The following TMEM164 variants were observed in gnomAD, a reference collection of about 807,000 sequenced individuals.
TMEM164 encodes the protein RP13-360B22.2.
Under a neutral mutation model 18.8 loss-of-function variants are expected in TMEM164, and 4 were observed. That is an observed-to-expected ratio of 0.21 (90% confidence interval 0.10 to 0.49). The LOEUF is 0.49. Ranked by LOEUF, TMEM164 falls within the 20% of genes least tolerant of loss-of-function variation. The pLI is 0.98. For missense variants in TMEM164, 108 were observed against 239.9 expected (o/e 0.45, Z 3.63); for synonymous variants, 86 against 101.7 (o/e 0.85, Z 0.93).
chrX:110,143,042 T>G (rs1369696397), intron 4 of TMEM164, among the ~76,000 whole-genome samples: 4 of 112,236 alleles, frequency 3.6e-5, no homozygotes, highest in African/African-American at 1.3e-4. Flanking sequence ...GCAGCCTGGC[T>G]TCCCAGGCCC....
At chrX:110,087,028 T>C (rs1247767355) in intron 3 of TMEM164, among the ~76,000 whole-genome samples, 1 of 111,814 alleles carries the variant, frequency 8.9e-6, no homozygotes, top group Non-Finnish European at 1.9e-5. Context: ...TCTAGAGGCT[T>C]GAGAAACCTC....
intron 3 of TMEM164, among the ~76,000 whole-genome samples, chrX:110,105,750 T>TGAGA (rs59866982): frequency 0.022 from 1,582 of 71,978 alleles, 23 homozygotes; most frequent in East Asian, 0.074. Flanking sequence ...AGAGAGAGAA[T>TGAGA]GAGAGAGAGA....
chrX:110,171,281 T>C, intron 5 of TMEM164, 139 bp from the exon 6 acceptor site: 1 of 481,062 alleles, frequency 2.1e-6, no homozygotes, highest in Non-Finnish European at 3.6e-6. Context: ...AGTGGGGCTG[T>C]CTCTTGAGTA....
chrX:110,100,193 C>T (rs990928690), intron 3 of TMEM164, among the ~76,000 whole-genome samples: 8 of 110,822 alleles, frequency 7.2e-5, no homozygotes, highest in Non-Finnish European at 1.5e-4. Flanking sequence ...CTGATTTCCT[C>T]GCTAAAGTTG....
chrX:110,094,171 G>C (rs1297421063), intron 3 of TMEM164, among the ~76,000 whole-genome samples: 1 of 112,206 alleles, frequency 8.9e-6, no homozygotes, highest in Non-Finnish European at 1.9e-5. Context: ...CTGTTGATTT[G>C]GGGTGGAGAG....
At chrX:110,168,712 C>T (rs2067190916) in intron 5 of TMEM164, among the ~76,000 whole-genome samples, 1 of 112,454 alleles carries the variant, frequency 8.9e-6, no homozygotes, top group African/African-American at 3.2e-5. Context: ...TTTCTCTTCT[C>T]GCCCACATGC....
chrX:110,055,410 C>A, intron 2 of TMEM164: 1 of 294,113 alleles, frequency 3.4e-6, no homozygotes, highest in Non-Finnish European at 6.8e-6. Flanking sequence ...TAGGGTTGTG[C>A]AGTGCACAAC....
rs754318833 is a variant in TMEM164 at position 110,067,131 on chromosome X, CCTTCTCCCTTT to C, written c.391-213_391-203del. 5.0e-3 allele frequency among the ~76,000 whole-genome samples: 471 copies of C among 94,605 alleles called. 2 individuals carry two copies. The highest frequency in any genetic ancestry group is 0.019 in the African/African-American group (430 of 22,983). The allele number at this position is 94,605 out of a possible 115,157, so 82.2% of individuals were successfully genotyped here. A position where few individuals can be genotyped will look rare whatever the true frequency, so the allele number is the denominator to read the frequency against. On this transcript the variant is annotated intron_variant, in intron 2 of 6. Transcript: ENST00000372068. Reference sequence around the variant, plus strand: ...TTGAAATATTGAGTCTTCTCACCCTCCTTCTCCCTTTCTCATGTGTGCGCACACACACACAC... The same window carrying C: ...TTGAAATATTGAGTCTTCTCACCCTCCTCATGTGTGCGCACACACACACAC...
chrX:110,091,176 A>G (rs747176291), intron 3 of TMEM164, among the ~76,000 whole-genome samples: 1 of 112,301 alleles, frequency 8.9e-6, no homozygotes, highest in Non-Finnish European at 1.9e-5. Flanking sequence ...ATACATGTGC[A>G]TGTGTCTTTA....
chrX:110,124,888 C>A (rs1226866578), intron 4 of TMEM164, among the ~76,000 whole-genome samples: 2 of 112,156 alleles, frequency 1.8e-5, no homozygotes, highest in East Asian at 5.6e-4. Flanking sequence ...GTAATTTTAA[C>A]TGTAAGTATT....
intron 4 of TMEM164, among the ~76,000 whole-genome samples, chrX:110,133,926 G>A (rs1569344012): frequency 9.0e-6 from 1 of 111,645 alleles, no homozygotes. Context: ...GAGTGAGGAG[G>A]TTTCATTTCC....
Position 110,151,066 on chromosome X carries a change from G to A in TMEM164, c.586+6190G>A, listed in dbSNP as rs372142495. ...TTTGAAGCCAGTAGTATGGTTCCAC[G>A]GTTCTTGCTTTTAATCATAACACAA... is the stretch of plus-strand genomic sequence containing the variant. On this transcript the variant is annotated intron_variant, in intron 5 of 6. Coordinates refer to ENST00000372068, the MANE Select transcript of TMEM164 (RefSeq NM_032227.4). 1.4e-4 allele frequency among the ~76,000 whole-genome samples: 16 copies of A among 111,981 alleles called. 1 individual carries two copies. The East Asian group carries it at 3.1e-3, about 21-fold the overall frequency.
intron 4 of TMEM164, among the ~76,000 whole-genome samples, chrX:110,128,131 G>T (rs764474467): frequency 8.9e-6 from 1 of 112,635 alleles, no homozygotes; most frequent in East Asian, 2.8e-4. Context: ...ACCAAAGGGA[G>T]AATGCCTCTT....
chrX:110,053,767 G>A (rs1935684025), intron 2 of TMEM164, among the ~76,000 whole-genome samples: 1 of 111,491 alleles, frequency 9.0e-6, no homozygotes, highest in South Asian at 3.8e-4. Context: ...TATTTTTCTG[G>A]GATTGAGGTC....
rs900198786 is a variant in TMEM164, at chrX:110,082,329, C to T, written c.440+14933C>T. 7.0e-5 allele frequency: 8 copies of T among 113,519 alleles called. No individual in the cohort carries two copies. The East Asian group carries it at 1.7e-3, about 24-fold the overall frequency. The allele number at this position is 113,519 out of a possible 1,213,427, so 9.4% of individuals were successfully genotyped here. On this transcript the variant is annotated intron_variant, in intron 3 of 6. Transcript: ENST00000372068. ...TTCTCTGTGAATGCTTACATAGCAG[C>T]GTCAGAGTTGTTTGTTGTATTGTGT...
At chrX:110,134,297 C>T (rs749793079) in intron 4 of TMEM164, among the ~76,000 whole-genome samples, 2 of 110,844 alleles carry the variant, frequency 1.8e-5, no homozygotes, top group Non-Finnish European at 3.8e-5. Context: ...CGCCTGTAAT[C>T]GCAGCACTTT....
intron 6 of TMEM164, 34 bp from the exon 7 acceptor site, chrX:110,173,203 TAAGGATGG>T: frequency 1.7e-6 from 2 of 1,184,157 alleles, no homozygotes; most frequent in Non-Finnish European, 2.3e-6. Flanking sequence ...AGAGAAAGCC[TAAGGATGG>T]TGAACGCTCA....
At chrX:110,058,095 T>C (rs1389547364) in intron 2 of TMEM164, among the ~76,000 whole-genome samples, 4 of 111,549 alleles carry the variant, frequency 3.6e-5, no homozygotes, top group Non-Finnish European at 7.5e-5. Flanking sequence ...TACATTTAAG[T>C]CTTAAGCCCA....
chrX:110,046,610 T>G (rs755405046), intron 2 of TMEM164: 1 of 449,924 alleles, frequency 2.2e-6, no homozygotes, highest in South Asian at 1.2e-4. Flanking sequence ...ACTAGGAGAT[T>G]GCTGGAACAG....
Sources: gnomAD v4.1 joint callset for allele counts (sites outside exome capture counted in the v4.1 genomes callset) on GRCh38, gnomAD v4.1.1 for gene constraint, MANE v1.5 for transcripts, NCBI Gene and HGNC (gene_info 2026-07-23, HGNC 2026-07-21) for gene names.